Variants in KCNQ1 observed in about 807,000 individuals in gnomAD.
KCNQ1 encodes the protein potassium voltage-gated channel subfamily KQT member 1.
Under a neutral mutation model 72.4 loss-of-function variants are expected in KCNQ1, and 49 were observed. That is an observed-to-expected ratio of 0.68 (90% confidence interval 0.54 to 0.86). KCNQ1 has a LOEUF of 0.86. Ranked by LOEUF, KCNQ1 falls within the 40% of genes least tolerant of loss-of-function variation. The probability of loss-of-function intolerance (pLI) is 0.00; values close to 1 mark genes in which losing one functional copy is unlikely to be tolerated. For missense variants in KCNQ1, 790 were observed against 945.1 expected (o/e 0.84, Z 2.15); for synonymous variants, 450 against 412.6 (o/e 1.09, Z -1.10).
intron 1 of KCNQ1, among the ~76,000 whole-genome samples, chr11:2,467,687 G>GC (rs1693942742): frequency 6.6e-6 from 1 of 152,190 alleles, no homozygotes; most frequent in Non-Finnish European, 1.5e-5. Flanking sequence ...AGAGACACCT[G>GC]CCCCCCACGT....
chr11:2,539,091 G>A (rs932543314), intron 2 of KCNQ1, among the ~76,000 whole-genome samples: 6 of 152,102 alleles, frequency 3.9e-5, no homozygotes, highest in Non-Finnish European at 5.9e-5. Flanking sequence ...TGGGGCAGCC[G>A]AGGCATGAGT....
At chr11:2,665,168 G>A (rs562051282) in intron 11 of KCNQ1, 16 of 398,724 alleles carry the variant, frequency 4.0e-5, no homozygotes, top group African/African-American at 2.9e-4. Flanking sequence ...ACCAGCTCTG[G>A]GCGGCCAGGA....
chr11:2,578,656 G>A (rs752593479), intron 6 of KCNQ1, among the ~76,000 whole-genome samples: 10 of 152,242 alleles, frequency 6.6e-5, no homozygotes, highest in African/African-American at 9.6e-5. Context: ...GGCTGTGGCC[G>A]CATGGGATGT....
intron 1 of KCNQ1, among the ~76,000 whole-genome samples, chr11:2,455,242 C>T (rs957410261): frequency 5.3e-5 from 8 of 152,218 alleles, no homozygotes; most frequent in African/African-American, 9.6e-5. Context: ...GGACAACAGG[C>T]GTCTGCCACC....
chr11:2,530,436 G>T (rs1847600552), intron 2 of KCNQ1, among the ~76,000 whole-genome samples: 1 of 152,266 alleles, frequency 6.6e-6, no homozygotes, highest in Non-Finnish European at 1.5e-5. Context: ...TGGGGCCAAG[G>T]ATGCCAGTGG....
At position 2,654,454 on chromosome 11, in the gene KCNQ1, C is replaced by T. The variant is rs993769700; in HGVS notation, c.1394-7507C>T. On this transcript the variant is annotated intron_variant, in intron 10 of 15. Coordinates refer to ENST00000155840, the MANE Select transcript of KCNQ1 (RefSeq NM_000218.3). The surrounding 1 kb of genome is among the most constrained non-coding windows in gnomAD (Gnocchi z 6.4). The stretch of plus-strand genomic sequence containing the variant: ...CAGAAGGCAAGGTTCCCGTGCTGAG[C>T]GCCAGGCACACATAAGCCCTGCAGC... 4.3e-5 allele frequency: 17 copies of T among 398,610 alleles called. No individual in the cohort carries two copies. The highest frequency in any genetic ancestry group is 6.3e-4 in the Middle Eastern group (1 of 1,588). 24.7% of individuals were successfully genotyped at this position (398,610 alleles called of 1,614,324 possible).
At chr11:2,797,679 C>T (rs921160285) in intron 15 of KCNQ1, among the ~76,000 whole-genome samples, 1 of 152,152 alleles carries the variant, frequency 6.6e-6, no homozygotes, top group East Asian at 1.9e-4. Context: ...GGCCCCTCCT[C>T]CTCCCCCGGG....
At chr11:2,558,859 A>G (rs1054111033) in intron 2 of KCNQ1, among the ~76,000 whole-genome samples, 5 of 152,136 alleles carry the variant, frequency 3.3e-5, no homozygotes, top group Non-Finnish European at 2.9e-5. Context: ...ATTTGGCCCC[A>G]ATGATAATGG....
chr11:2,687,197 G>T lies in KCNQ1; in HGVS notation c.1514+25116G>T. 2.5e-6 allele frequency: 1 copy of T among 398,646 alleles called. No individual in the cohort carries two copies. Among genetic ancestry groups the T allele is most frequent in the South Asian group, 1.3e-4 (1 of 7,850 alleles). 24.7% of individuals were successfully genotyped at this position (398,646 alleles called of 1,614,324 possible). A position where few individuals can be genotyped will look rare whatever the true frequency, so the allele number is the denominator to read the frequency against. ...CTGCCAAAAGCCCAGGCTGGATAGGGAGCATCACACTGTTGGGAAATGTGC... is the reference window on the plus strand; with the variant it reads ...CTGCCAAAAGCCCAGGCTGGATAGGTAGCATCACACTGTTGGGAAATGTGC... On this transcript the variant is annotated intron_variant, in intron 11 of 15. Coordinates refer to ENST00000155840, the MANE Select transcript of KCNQ1 (RefSeq NM_000218.3). This position sits in a 1 kb window ranked among gnomAD's most constrained non-coding sequence, Gnocchi z 5.0.
chr11:2,466,239 G>T (rs1292604478), intron 1 of KCNQ1, among the ~76,000 whole-genome samples: 1 of 152,202 alleles, frequency 6.6e-6, no homozygotes, highest in African/African-American at 2.4e-5. Context: ...GGGAAACTGA[G>T]GCCCAGAGTG....
At chr11:2,802,547 G>A (rs1026783418) in intron 15 of KCNQ1, among the ~76,000 whole-genome samples, 20 of 152,196 alleles carry the variant, frequency 1.3e-4, no homozygotes, top group African/African-American at 4.3e-4. Context: ...TCTGGGGACC[G>A]TGGCTCTGGC....
In KCNQ1 at chr11:2,670,710, T is replaced by C. The variant is rs1286478297; in HGVS notation, c.1514+8629T>C. 5.0e-6 allele frequency: 2 copies of C among 398,438 alleles called. No homozygotes were observed. The highest frequency in any genetic ancestry group is 8.8e-6 in the Non-Finnish European group (2 of 226,120). 24.7% of individuals were successfully genotyped at this position (398,438 alleles called of 1,614,324 possible). The stretch of plus-strand genomic sequence containing the variant: ...CAAGACAAAGGGATTCTGTGGCCCA[T>C]GGAGCAGGAGGGAACAGTCTGCAGA... On this transcript the variant is annotated intron_variant, in intron 11 of 15. Coordinates refer to ENST00000155840, the MANE Select transcript of KCNQ1 (RefSeq NM_000218.3). This position sits in a 1 kb window ranked among gnomAD's most constrained non-coding sequence, Gnocchi z 4.9.
At position 2,608,982 on chromosome 11, in the gene KCNQ1, C is replaced by G; in HGVS notation, c.1393+20128C>G. The stretch of plus-strand genomic sequence containing the variant: ...CAAAGGTTTGTTAATTTCAAAGAAC[C>G]AAATTTTGGATTTGTTGACTTTATT... On this transcript the variant is annotated intron_variant, in intron 10 of 15. Coordinates refer to ENST00000155840, the MANE Select transcript of KCNQ1 (RefSeq NM_000218.3). This position sits in a 1 kb window ranked among gnomAD's most constrained non-coding sequence, Gnocchi z 4.6. 1 of 398,254 alleles carries G rather than the reference C, an allele frequency of 2.5e-6. No individual in the cohort carries two copies. The highest frequency in any genetic ancestry group is 4.4e-6 in the Non-Finnish European group (1 of 226,030). The allele number at this position is 398,254 out of a possible 1,614,324, so 24.7% of individuals were successfully genotyped here.
At chr11:2,684,007 C>G in intron 11 of KCNQ1, 1 of 397,786 alleles carries the variant, frequency 2.5e-6, no homozygotes, top group Non-Finnish European at 4.4e-6. Context: ...AACTCCGTCT[C>G]TCCTTAGTCA....
At chr11:2,555,565 C>T (rs1430369820) in intron 2 of KCNQ1, among the ~76,000 whole-genome samples, 6 of 152,234 alleles carry the variant, frequency 3.9e-5, no homozygotes, top group Admixed American at 2.0e-4. Context: ...GCAGGGCAGC[C>T]GGCTTGGGCC....
At chr11:2,643,995 T>C (rs1381627216) in intron 10 of KCNQ1, 7 of 398,444 alleles carry the variant, frequency 1.8e-5, no homozygotes, top group Admixed American at 8.8e-5. Flanking sequence ...CCCTTGTAAG[T>C]GTCTACAACC....
In KCNQ1 at chr11:2,661,226, G is replaced by A; in HGVS notation, c.1394-735G>A. ...TTGAATTATTCCACTTCTCACAGAT[G>A]AGTACTTAATCCTTTTGCAATAAAA... On this transcript the variant is annotated intron_variant, in intron 10 of 15. Coordinates refer to ENST00000155840, the MANE Select transcript of KCNQ1 (RefSeq NM_000218.3). The surrounding 1 kb of genome is among the most constrained non-coding windows in gnomAD (Gnocchi z 5.9). 2.5e-6 allele frequency: 1 copy of A among 398,834 alleles called. No homozygotes were observed. The highest frequency in any genetic ancestry group is 4.4e-5 in the Admixed American group (1 of 22,744). 24.7% of individuals were successfully genotyped at this position (398,834 alleles called of 1,614,324 possible).
chr11:2,579,885 T>A lies in KCNQ1; in HGVS notation c.922-3550T>A, dbSNP rs1848474925. 6.6e-6 allele frequency among the ~76,000 whole-genome samples: 1 copy of A among 151,922 alleles called. No homozygotes were observed. Among genetic ancestry groups the A allele is most frequent in the Non-Finnish European group, 1.5e-5 (1 of 67,958 alleles). The stretch of plus-strand genomic sequence containing the variant: ...CAGGTTTGGAAGGTGGTCTCGGGTG[T>A]CCTTACGCGAGCAGGTGGCTACCTC... On this transcript the variant is annotated intron_variant, in intron 6 of 15. Transcript: ENST00000155840. The surrounding 1 kb of genome is among the most constrained non-coding windows in gnomAD (Gnocchi z 6.0).
At chr11:2,500,215 A>G (rs1490026276) in intron 1 of KCNQ1, among the ~76,000 whole-genome samples, 1 of 152,240 alleles carries the variant, frequency 6.6e-6, no homozygotes, top group Non-Finnish European at 1.5e-5. Context: ...CTCCTTGAAG[A>G]TATGAACAGA....
Sources: allele counts gnomAD v4.1 joint callset (sites outside exome capture counted in the v4.1 genomes callset), GRCh38; gene constraint gnomAD v4.1.1; non-coding constraint Gnocchi (gnomAD v3.1); transcripts MANE v1.5; gene names NCBI Gene and HGNC (gene_info 2026-07-23, HGNC 2026-07-21).